Variants in TBC1D4 observed in about 807,000 individuals in gnomAD.
TBC1D4 encodes TBC (Tre-2, BUB2, CDC16) domain-containing protein.
In TBC1D4, 121 loss-of-function variants were observed where a neutral mutation model predicts 142.5. That is an observed-to-expected ratio of 0.85 (90% CI 0.73 to 0.99). The LOEUF (loss-of-function observed/expected upper bound fraction) is 0.99. TBC1D4 is among the 50% of genes least tolerant of loss of function. The pLI is 0.00. For synonymous variants in TBC1D4, 630 were observed against 628.2 expected (o/e 1.00, Z -0.04); for missense variants, 1,475 against 1,606.6 (o/e 0.92, Z 1.40).
chr13:75,353,999 C>G (rs999510705), intron 4 of TBC1D4, among the ~76,000 whole-genome samples: 2 of 152,192 alleles, frequency 1.3e-5, no homozygotes, highest in South Asian at 4.1e-4. Context: ...GCCTCTCACT[C>G]AAGTCCTTAG....
intron 18 of TBC1D4, 139 bp from the exon 19 acceptor site, chr13:75,292,410 T>C (rs1244758791): frequency 1.3e-5 from 9 of 683,494 alleles, no homozygotes; most frequent in South Asian, 5.9e-5. Context: ...TCTAGCTTTT[T>C]TTTAAAAAAG....
Position 75,292,207 on chromosome 13 carries a change from T to C in TBC1D4, c.3381A>G (p.Gln1127=), listed in dbSNP as rs1172569157. Reference sequence around the variant, plus strand: ...TCTCACATTCCATTATAAGTGTCTCTTGGCTGCTCAGTAGGCTGAGTGCAA... The same window carrying C: ...TCTCACATTCCATTATAAGTGTCTCCTGGCTGCTCAGTAGGCTGAGTGCAA... ...FKVALSLLSS[Q]ETLIMECESF... Residue 1127 remains glutamine (Q), a synonymous_variant, in exon 19 of 21, where the codon CAA becomes CAG. Coordinates refer to ENST00000377636, the MANE Select transcript of TBC1D4 (RefSeq NM_014832.5). 2 of 1,613,440 alleles carry C rather than the reference T, an allele frequency of 1.2e-6. No individual in the cohort carries two copies. Among genetic ancestry groups the C allele is most frequent in the Admixed American group, 1.7e-5 (1 of 59,960 alleles).
chr13:75,312,923 A>G, intron 12 of TBC1D4, 25 bp from the exon 13 acceptor site: 1 of 1,613,272 alleles, frequency 6.2e-7, no homozygotes, highest in Non-Finnish European at 8.5e-7. Flanking sequence ...TAAACATATC[A>G]CTTATAAGGA....
chr13:75,459,983 A>C (rs780484499), intron 1 of TBC1D4, among the ~76,000 whole-genome samples: 1 of 152,024 alleles, frequency 6.6e-6, no homozygotes, highest in African/African-American at 2.4e-5. Flanking sequence ...TCTACTAAAA[A>C]TACAAAAAAA....
At chr13:75,289,936 T>C (rs1482431995) in intron 19 of TBC1D4, among the ~76,000 whole-genome samples, 3 of 152,190 alleles carry the variant, frequency 2.0e-5, no homozygotes, top group East Asian at 1.9e-4. Flanking sequence ...TACTTACTAA[T>C]AGAGATACTC....
chr13:75,333,345 C>T (rs1463844512), intron 8 of TBC1D4, among the ~76,000 whole-genome samples: 1 of 152,012 alleles, frequency 6.6e-6, no homozygotes, highest in Non-Finnish European at 1.5e-5. Flanking sequence ...ACTTGTGATC[C>T]ATTAATAACC....
At chr13:75,378,955 T>C (rs934757361) in intron 1 of TBC1D4, among the ~76,000 whole-genome samples, 3 of 152,166 alleles carry the variant, frequency 2.0e-5, no homozygotes, top group East Asian at 1.9e-4. Flanking sequence ...ATTTGCAGTA[T>C]GGCAGTTTTA....
intron 1 of TBC1D4, among the ~76,000 whole-genome samples, chr13:75,391,169 TCTCTA>T (rs1374642827): frequency 1.5e-5 from 2 of 137,442 alleles, no homozygotes; most frequent in African/African-American, 5.6e-5. Flanking sequence ...AGTTTTTCCT[TCTCTA>T]CTCTATCCTC....
chr13:75,359,561 G>A (rs1046563345), intron 3 of TBC1D4, among the ~76,000 whole-genome samples: 22 of 152,166 alleles, frequency 1.4e-4, no homozygotes, highest in African/African-American at 5.3e-4. Context: ...AAACTGTTAG[G>A]ATAGATACCA....
intron 1 of TBC1D4, among the ~76,000 whole-genome samples, chr13:75,381,917 A>G (rs2138259184): frequency 6.6e-6 from 1 of 152,364 alleles, no homozygotes; most frequent in South Asian, 2.1e-4. Flanking sequence ...TAGATGGGAA[A>G]TTAATAAATG....
At chr13:75,377,549 T>A (rs1883584688) in intron 1 of TBC1D4, among the ~76,000 whole-genome samples, 1 of 152,034 alleles carries the variant, frequency 6.6e-6, no homozygotes, top group Non-Finnish European at 1.5e-5. Flanking sequence ...CCATGGACAC[T>A]ACAACTATAC....
chr13:75,318,774 C>T (rs946236942), intron 12 of TBC1D4, among the ~76,000 whole-genome samples: 4 of 152,032 alleles, frequency 2.6e-5, no homozygotes, highest in East Asian at 3.8e-4. Context: ...AGTGGAACAA[C>T]GTGTAGATGA....
chr13:75,299,235 T>C, intron 17 of TBC1D4, 95 bp downstream of exon 17: 1 of 1,591,294 alleles, frequency 6.3e-7, no homozygotes, highest in Non-Finnish European at 8.5e-7. Context: ...ACAATGGCTC[T>C]ACATTTCTTT....
At chr13:75,395,868 T>C (rs911858585) in intron 1 of TBC1D4, among the ~76,000 whole-genome samples, 15 of 152,204 alleles carry the variant, frequency 9.9e-5, no homozygotes, top group African/African-American at 3.4e-4. Context: ...ATAAAAGAAA[T>C]GATACCTTGG....
chr13:75,439,671 A>G (rs1483531044), intron 1 of TBC1D4, among the ~76,000 whole-genome samples: 1 of 152,064 alleles, frequency 6.6e-6, no homozygotes, highest in African/African-American at 2.4e-5. Flanking sequence ...TTTGAGATGG[A>G]GTCTCACTCT....
chr13:75,303,898 T>G (rs1876865646), intron 15 of TBC1D4, among the ~76,000 whole-genome samples: 1 of 152,228 alleles, frequency 6.6e-6, no homozygotes, highest in African/African-American at 2.4e-5. Flanking sequence ...GACTTCCCAT[T>G]GTACGTCTAT....
intron 1 of TBC1D4, among the ~76,000 whole-genome samples, chr13:75,402,860 A>G (rs1885166110): frequency 6.6e-6 from 1 of 152,220 alleles, no homozygotes; most frequent in African/African-American, 2.4e-5. Flanking sequence ...CCTAAGCACA[A>G]AAAGCAAAAA....
At position 75,326,430 on chromosome 13, in the gene TBC1D4, C is replaced by T; in HGVS notation, c.1807-7G>A. The T allele has an allele frequency of 6.2e-7, 1 of 1,614,110 alleles. No individual in the cohort carries two copies. Among genetic ancestry groups the T allele is most frequent in the Non-Finnish European group, 8.5e-7 (1 of 1,179,996 alleles). ...AATCCCCTGGTGAGTAGTCCTGAAA[C>T]ACAAGCGGAAGGGAGCCCTTTATTT... On this transcript the variant is annotated splice_region_variant and splice_polypyrimidine_tract_variant and intron_variant, in intron 9 of 20. Coordinates refer to ENST00000377636, the MANE Select transcript of TBC1D4 (RefSeq NM_014832.5).
At chr13:75,308,797 A>C (rs1164919330) in intron 14 of TBC1D4, among the ~76,000 whole-genome samples, 2 of 152,218 alleles carry the variant, frequency 1.3e-5, no homozygotes, top group African/African-American at 2.4e-5. Context: ...TGCTAACGAC[A>C]AGTAATAGCA....
Sources: allele counts gnomAD v4.1 joint callset (sites outside exome capture counted in the v4.1 genomes callset), GRCh38; gene constraint gnomAD v4.1.1; transcripts MANE v1.5; gene names NCBI Gene and HGNC (gene_info 2026-07-23, HGNC 2026-07-21).